Variants in NTNG1 observed in about 807,000 individuals in gnomAD.
NTNG1 encodes netrin-G1.
Under a neutral mutation model 54.0 loss-of-function variants are expected in NTNG1, and 16 were observed. The ratio of observed to expected loss-of-function variants is 0.30; its 90% CI spans 0.20 to 0.45. The LOEUF is 0.45. Ranked by LOEUF, NTNG1 falls within the 20% of genes least tolerant of loss-of-function variation. The pLI is 1.00. For synonymous variants in NTNG1, 255 were observed against 263.1 expected (o/e 0.97, Z 0.30); for missense variants, 530 against 678.7 (o/e 0.78, Z 2.43).
At position 107,381,634 on chromosome 1, in the gene NTNG1, T is replaced by A. The variant is rs553971033; in HGVS notation, c.888-13520T>A. Among the ~76,000 whole-genome samples, 6 of 152,340 alleles carry A rather than the reference T, an allele frequency of 3.9e-5. No homozygotes were observed. The South Asian group carries it at 1.2e-3, about 32-fold the overall frequency. ...GGTTGGGAGGTGAAGTAACGTGATGTACTCTGTGCTGTAGTCAGGTATGTT... is the reference window on the plus strand; with the variant it reads ...GGTTGGGAGGTGAAGTAACGTGATGAACTCTGTGCTGTAGTCAGGTATGTT... On this transcript the variant is annotated intron_variant, in intron 3 of 7. Coordinates refer to ENST00000370068, the MANE Select transcript of NTNG1 (RefSeq NM_001113226.3).
intron 2 of NTNG1, among the ~76,000 whole-genome samples, chr1:107,322,410 G>A (rs1241592017): frequency 6.6e-6 from 1 of 152,042 alleles, no homozygotes; most frequent in African/African-American, 2.4e-5. Flanking sequence ...AGATTTTGAA[G>A]TGACCATATT....
At chr1:107,229,351 A>G (rs1032053478) in intron 2 of NTNG1, among the ~76,000 whole-genome samples, 5 of 149,560 alleles carry the variant, frequency 3.3e-5, no homozygotes, top group African/African-American at 7.4e-5. Context: ...AAAGACAGCA[A>G]GCATTACTAA....
chr1:107,336,150 G>C (rs1244338214), intron 3 of NTNG1, among the ~76,000 whole-genome samples: 1 of 150,054 alleles, frequency 6.7e-6, no homozygotes, highest in African/African-American at 2.4e-5. Context: ...GAAGAATAAA[G>C]TTAGTGGCGT....
chr1:107,177,629 G>A (rs1276246343), intron 2 of NTNG1, among the ~76,000 whole-genome samples: 2 of 151,976 alleles, frequency 1.3e-5, no homozygotes, highest in Non-Finnish European at 2.9e-5. Flanking sequence ...CACCGCTCCC[G>A]GCCTTAAGAA....
chr1:107,301,969 G>A (rs75006563), intron 2 of NTNG1, among the ~76,000 whole-genome samples: 7,778 of 152,140 alleles, frequency 0.051, 419 homozygotes, highest in African/African-American at 0.14. Flanking sequence ...ATCTTTGCTT[G>A]CTGTTTGCCA....
chr1:107,326,255 C>A (rs1667946868), intron 3 of NTNG1, among the ~76,000 whole-genome samples: 1 of 151,940 alleles, frequency 6.6e-6, no homozygotes, highest in South Asian at 2.1e-4. Flanking sequence ...ATCTGCGAAG[C>A]TTTTCCTAAA....
chr1:107,261,713 G>C (rs1474264375), intron 2 of NTNG1, among the ~76,000 whole-genome samples: 1 of 152,028 alleles, frequency 6.6e-6, no homozygotes, highest in Non-Finnish European at 1.5e-5. Flanking sequence ...CGTGGTGGCG[G>C]GTGCCTGTAG....
intron 7 of NTNG1, among the ~76,000 whole-genome samples, chr1:107,441,528 A>G (rs1027288902): frequency 6.6e-6 from 1 of 152,168 alleles, no homozygotes; most frequent in Non-Finnish European, 1.5e-5. Context: ...AGGGGGAGAC[A>G]GATCACATCC....
rs1272898109 is a variant in NTNG1, at chr1:107,250,822, G to A, written c.247-73460G>A. Among the ~76,000 whole-genome samples the A allele has an allele frequency of 2.6e-5, 4 of 152,318 alleles. No homozygotes were observed. The South Asian group carries it at 8.3e-4, about 32-fold the overall frequency. ...AGCTTCAGCTGAAAGCAGCCAACCC[G>A]CCAGGCAACTGGTGGAGTGGGTGTC... On this transcript the variant is annotated intron_variant, in intron 2 of 7. Coordinates refer to ENST00000370068, the MANE Select transcript of NTNG1 (RefSeq NM_001113226.3).
intron 2 of NTNG1, among the ~76,000 whole-genome samples, chr1:107,293,505 C>T (rs1298404627): frequency 1.3e-5 from 2 of 152,116 alleles, no homozygotes; most frequent in East Asian, 1.9e-4. Context: ...AAGTATGTGC[C>T]TATTAAAAAT....
intron 7 of NTNG1, among the ~76,000 whole-genome samples, chr1:107,457,642 T>G (rs1409685805): frequency 6.6e-6 from 1 of 152,174 alleles, no homozygotes; most frequent in Non-Finnish European, 1.5e-5. Context: ...TAATAATAAT[T>G]TATTTTTTAA....
At chr1:107,213,677 A>T (rs1304206971) in intron 2 of NTNG1, among the ~76,000 whole-genome samples, 5 of 152,090 alleles carry the variant, frequency 3.3e-5, no homozygotes, top group Non-Finnish European at 7.4e-5. Context: ...CTGAACCATT[A>T]TGTGTGTATC....
At chr1:107,366,248 G>A (rs961399159) in intron 3 of NTNG1, among the ~76,000 whole-genome samples, 1 of 152,206 alleles carries the variant, frequency 6.6e-6, no homozygotes, top group African/African-American at 2.4e-5. Flanking sequence ...ACAGTAGAGA[G>A]AAAAGAGCAC....
intron 2 of NTNG1, among the ~76,000 whole-genome samples, chr1:107,167,524 G>A (rs1030903864): frequency 6.6e-6 from 1 of 151,556 alleles, no homozygotes; most frequent in African/African-American, 2.4e-5. Flanking sequence ...ATGGTTTTAT[G>A]TATCTTTAGT....
At chr1:107,194,197 T>A (rs1191183483) in intron 2 of NTNG1, among the ~76,000 whole-genome samples, 6 of 151,988 alleles carry the variant, frequency 3.9e-5, no homozygotes, top group Non-Finnish European at 8.8e-5. Flanking sequence ...ACCATGTTCC[T>A]ATATTGCTCT....
intron 2 of NTNG1, among the ~76,000 whole-genome samples, chr1:107,234,760 T>A (rs1661297776): frequency 6.6e-6 from 1 of 152,196 alleles, no homozygotes; most frequent in Admixed American, 6.5e-5. Flanking sequence ...TAGTCGGGAA[T>A]CTTTTATTAG....
At chr1:107,205,498 T>A (rs12736763) in intron 2 of NTNG1, among the ~76,000 whole-genome samples, 1 of 152,020 alleles carries the variant, frequency 6.6e-6, no homozygotes, top group Non-Finnish European at 1.5e-5. Context: ...TTTATAAGTA[T>A]ATATTATTGT....
Position 107,430,822 on chromosome 1 carries a change from G to C in NTNG1, c.1160G>C (p.Cys387Ser), listed in dbSNP as rs1675214422. Residue 387 changes from cysteine (C) to serine (S), a missense_variant, in exon 6 of 8, where the codon TGT (cysteine) becomes TCT (serine). Physicochemically the swap from Cys to Ser is moderately radical, Grantham distance 112 (BLOSUM62 -1). Coordinates refer to ENST00000370068, the MANE Select transcript of NTNG1 (RefSeq NM_001113226.3). ...CTAAATACAGTCATTTGCGTGAGCTGTAAACACAACACTAGAGGGCAGCAC... is the reference window on the plus strand; with the variant it reads ...CTAAATACAGTCATTTGCGTGAGCTCTAAACACAACACTAGAGGGCAGCAC... ...DLLNTVICVS[C>S]KHNTRGQHCE... 6.2e-7 allele frequency: 1 copy of C among 1,613,280 alleles called. No individual in the cohort carries two copies. Among genetic ancestry groups the C allele is most frequent in the Middle Eastern group, 1.7e-4 (1 of 6,054 alleles).
chr1:107,239,730 G>A (rs1209351538), intron 2 of NTNG1, among the ~76,000 whole-genome samples: 1 of 152,142 alleles, frequency 6.6e-6, no homozygotes, highest in Non-Finnish European at 1.5e-5. Context: ...GGTCAGGTTG[G>A]CTTAGAGTTG....
Sources: allele counts gnomAD v4.1 joint callset (sites outside exome capture counted in the v4.1 genomes callset), GRCh38; gene constraint gnomAD v4.1.1; transcripts MANE v1.5; gene names NCBI Gene and HGNC (gene_info 2026-07-23, HGNC 2026-07-21).